The following CCDC73 variants were observed in gnomAD, a reference collection of about 807,000 sequenced individuals.
The protein encoded by CCDC73 is coiled-coil domain-containing protein 73.
CCDC73 carries 95 observed loss-of-function variants against 116.5 expected under a neutral mutation model. The observed-to-expected ratio is 0.82, with a 90% CI of 0.69 to 0.97. The LOEUF (loss-of-function observed/expected upper bound fraction) is 0.97, where lower values mean the gene tolerates loss of function less well. Among genes scored for constraint, CCDC73 ranks in the 50% least tolerant of loss-of-function variants. The pLI is 0.00. For synonymous variants in CCDC73, 398 were observed against 401.3 expected (o/e 0.99, Z 0.10); for missense variants, 1,066 against 1,206.8 (o/e 0.88, Z 1.73).
At position 32,732,067 on chromosome 11, in the gene CCDC73, C is replaced by A. The variant is rs145903448; in HGVS notation, c.136-13920G>T. On this transcript the variant is annotated intron_variant, in intron 2 of 17. Coordinates refer to ENST00000335185, the MANE Select transcript of CCDC73 (RefSeq NM_001008391.4). ...ACTACAATAGACAGCACAGAGAAGA[C>A]CTTAAATGACCTGATGGAGCAGAAA... Among the ~76,000 whole-genome samples the A allele has an allele frequency of 9.8e-3, 1,486 of 152,174 alleles. 12 individuals carry two copies. Among genetic ancestry groups the A allele is most frequent in the Non-Finnish European group, 0.016 (1,071 of 67,992 alleles).
At chr11:32,741,967 GT>G in intron 2 of CCDC73, among the ~76,000 whole-genome samples, 1 of 152,182 alleles carries the variant, frequency 6.6e-6, no homozygotes, top group East Asian at 1.9e-4. Context: ...CTTCATCCAT[GT>G]CCCTACAAAG....
intron 6 of CCDC73, among the ~76,000 whole-genome samples, chr11:32,688,866 G>A (rs893265756): frequency 4.6e-5 from 7 of 152,076 alleles, no homozygotes; most frequent in South Asian, 2.1e-4. Flanking sequence ...GAAAGATAAG[G>A]AAATTGTCAG....
intron 9 of CCDC73, among the ~76,000 whole-genome samples, chr11:32,670,453 C>T (rs1452492227): frequency 7.3e-5 from 11 of 150,668 alleles, no homozygotes; most frequent in Non-Finnish European, 4.4e-5. Flanking sequence ...ACCTGGGGGG[C>T]GGAGCTTGCA....
At chr11:32,773,779 C>A (rs1263325989) in intron 1 of CCDC73, among the ~76,000 whole-genome samples, 21 of 144,514 alleles carry the variant, frequency 1.5e-4, no homozygotes, top group African/African-American at 2.0e-4. Flanking sequence ...GATGCTGTCT[C>A]AAAAAAAAAA....
chr11:32,735,505 C>T (rs571433662), intron 2 of CCDC73, among the ~76,000 whole-genome samples: 2 of 151,690 alleles, frequency 1.3e-5, no homozygotes, highest in Non-Finnish European at 3.0e-5. Flanking sequence ...CACTGCTCAA[C>T]AAAATACAAC....
intron 1 of CCDC73, among the ~76,000 whole-genome samples, chr11:32,790,687 TTATA>T (rs1041658796): frequency 3.3e-5 from 5 of 149,582 alleles, no homozygotes; most frequent in African/African-American, 1.2e-4. Flanking sequence ...AGAGGGAGGA[TTATA>T]TATATAAATT....
At chr11:32,796,125 C>T (rs1192364072), upstream of CCDC73, among the ~76,000 whole-genome samples, 2 of 152,192 alleles carry the variant, frequency 1.3e-5, no homozygotes, top group African/African-American at 4.8e-5. Flanking sequence ...CATAGTAACA[C>T]CCATGCACAT....
At chr11:32,820,834 T>C in the CCDC73 span, among the ~76,000 whole-genome samples, 3 of 152,254 alleles carry the variant, frequency 2.0e-5, no homozygotes, top group African/African-American at 7.2e-5. Context: ...CTAGTGAAGC[T>C]GAACATTTTC....
At chr11:32,751,840 A>G (rs1332109800) in intron 2 of CCDC73, among the ~76,000 whole-genome samples, 2 of 152,208 alleles carry the variant, frequency 1.3e-5, no homozygotes, top group African/African-American at 4.8e-5. Context: ...AGAATCTTCT[A>G]TTTGGCCATC....
At chr11:32,630,639 A>G (rs1252607390) in intron 14 of CCDC73, among the ~76,000 whole-genome samples, 1 of 152,204 alleles carries the variant, frequency 6.6e-6, no homozygotes, top group Non-Finnish European at 1.5e-5. Flanking sequence ...CACTGCACCC[A>G]GCTGTTTTTG....
the CCDC73 span, among the ~76,000 whole-genome samples, chr11:32,799,749 C>T: frequency 6.6e-6 from 1 of 152,110 alleles, no homozygotes; most frequent in African/African-American, 2.4e-5. Flanking sequence ...CACAGTGACT[C>T]CCTAGGAGAA....
the CCDC73 span, among the ~76,000 whole-genome samples, chr11:32,806,699 G>T: frequency 6.6e-6 from 1 of 152,076 alleles, no homozygotes; most frequent in East Asian, 1.9e-4. Flanking sequence ...CTTTCAGGTG[G>T]TTAGCCTCCC....
chr11:32,739,510 C>T (rs950517104), intron 2 of CCDC73, among the ~76,000 whole-genome samples: 3 of 152,046 alleles, frequency 2.0e-5, no homozygotes, highest in Non-Finnish European at 2.9e-5. Flanking sequence ...TTGCTGTTGG[C>T]ATATGGAAAT....
At chr11:32,649,308 A>G (rs1024803846) in intron 12 of CCDC73, among the ~76,000 whole-genome samples, 1 of 152,238 alleles carries the variant, frequency 6.6e-6, no homozygotes, top group East Asian at 1.9e-4. Context: ...ATGAAAAAAT[A>G]CTATGAAAAA....
chr11:32,808,103 G>C, the CCDC73 span, among the ~76,000 whole-genome samples: 1 of 152,008 alleles, frequency 6.6e-6, no homozygotes, highest in Non-Finnish European at 1.5e-5. Flanking sequence ...CAACAAAGTT[G>C]GAAGCAGAAT....
chr11:32,667,728 A>G (rs888348790), intron 9 of CCDC73, among the ~76,000 whole-genome samples: 6 of 152,218 alleles, frequency 3.9e-5, no homozygotes, highest in African/African-American at 1.4e-4. Context: ...TTGGAAATGC[A>G]GAAATCACCT....
chr11:32,612,750 A>G (rs1590542773), intron 16 of CCDC73, among the ~76,000 whole-genome samples: 1 of 152,134 alleles, frequency 6.6e-6, no homozygotes, highest in African/African-American at 2.4e-5. Context: ...AAAATAATAA[A>G]TAAATAAAGC....
chr11:32,668,673 T>G (rs1358586461), intron 9 of CCDC73, among the ~76,000 whole-genome samples: 1 of 152,170 alleles, frequency 6.6e-6, no homozygotes, highest in Non-Finnish European at 1.5e-5. Context: ...GTTCAATCAC[T>G]GATTGAACTA....
chr11:32,774,391 T>C (rs895277340), intron 1 of CCDC73, among the ~76,000 whole-genome samples: 4 of 152,216 alleles, frequency 2.6e-5, no homozygotes, highest in African/African-American at 7.2e-5. Context: ...CTCTTGTCTC[T>C]GTGAGTTAAA....
Sources: gnomAD v4.1 joint callset for allele counts (sites outside exome capture counted in the v4.1 genomes callset) on GRCh38, gnomAD v4.1.1 for gene constraint, MANE v1.5 for transcripts, NCBI Gene and HGNC (gene_info 2026-07-23, HGNC 2026-07-21) for gene names.